The following BTF3L4 variants were observed in gnomAD, a reference collection of about 807,000 sequenced individuals.
BTF3L4 encodes transcription factor BTF3 homolog 4.
A neutral mutation model predicts 16.8 loss-of-function variants in BTF3L4; 6 were observed. The observed-to-expected ratio is 0.36, with a 90% CI of 0.20 to 0.71. The LOEUF (loss-of-function observed/expected upper bound fraction) is 0.71, where lower values mean the gene tolerates loss of function less well. Among genes scored for constraint, BTF3L4 ranks in the 30% least tolerant of loss-of-function variants. BTF3L4 has a pLI of 0.58. For missense variants in BTF3L4, 92 were observed against 186.9 expected, an observed-to-expected ratio of 0.49 and a Z score of 2.96; for synonymous variants, 39 against 59.8, an observed-to-expected ratio of 0.65 and a Z score of 1.60.
Position 52,058,437 on chromosome 1 carries a change from T to C in BTF3L4, c.-13-1398T>C, listed in dbSNP as rs141541446. Among the ~76,000 whole-genome samples, 359 of 152,280 alleles carry C rather than the reference T, an allele frequency of 2.4e-3. 1 individual carries two copies. Among genetic ancestry groups the C allele is most frequent in the African/African-American group, 8.3e-3 (343 of 41,538 alleles). On this transcript the variant is annotated intron_variant, in intron 1 of 5. Coordinates refer to ENST00000313334, the MANE Select transcript of BTF3L4 (RefSeq NM_152265.5). The stretch of plus-strand genomic sequence containing the variant: ...GTCTTTGATGCTGCTTTTTTTAATC[T>C]CTCAAATGAAGCAAACAGTATTTTT...
chr1:52,059,839 A>G lies in BTF3L4; in HGVS notation c.-9A>G. On this transcript the variant is annotated 5_prime_UTR_variant, in exon 2 of 6. Transcript: ENST00000313334. ...AATCTATTTTTCCCCCCCTAGATTT[A>G]CCAACAGCATGAATCAAGAAAAGTT... 6.2e-7 allele frequency: 1 copy of G among 1,613,678 alleles called. No homozygotes were observed. The highest frequency in any genetic ancestry group is 8.5e-7 in the Non-Finnish European group (1 of 1,179,700).
At chr1:52,061,362 C>T (rs1047883694) in intron 2 of BTF3L4, among the ~76,000 whole-genome samples, 2 of 151,496 alleles carry the variant, frequency 1.3e-5, no homozygotes, top group African/African-American at 2.4e-5. Context: ...GTGGCGCATA[C>T]GTGTAGTCCC....
At chr1:52,061,003 C>T (rs1046203527) in intron 2 of BTF3L4, among the ~76,000 whole-genome samples, 1 of 152,136 alleles carries the variant, frequency 6.6e-6, no homozygotes, top group African/African-American at 2.4e-5. Context: ...ATATTGAGCA[C>T]CTACTGTGTG....
intron 3 of BTF3L4, among the ~76,000 whole-genome samples, chr1:52,070,582 G>A (rs1686763591): frequency 6.7e-6 from 1 of 149,190 alleles, no homozygotes; most frequent in Admixed American, 6.7e-5. Flanking sequence ...CAAAACTAAG[G>A]GATGAGGGGT....
intron 3 of BTF3L4, among the ~76,000 whole-genome samples, chr1:52,073,759 C>A (rs987562298): frequency 6.8e-6 from 1 of 146,424 alleles, no homozygotes; most frequent in Non-Finnish European, 1.5e-5. Flanking sequence ...CAGTACTTTG[C>A]GAGGCCAAGG....
At chr1:52,056,471 C>T (rs1373769210) in intron 1 of BTF3L4, 92 bp downstream of exon 1, 2 of 152,768 alleles carry the variant, frequency 1.3e-5, no homozygotes, top group African/African-American at 2.4e-5. Flanking sequence ...GCCAACCGCT[C>T]AGGCTGCCAC....
In BTF3L4 at chr1:52,090,465, T is replaced by C. The variant is rs1644008745; in HGVS notation, c.*3707T>C. The C allele has an allele frequency of 6.6e-6, 1 of 152,188 alleles. No homozygotes were observed. Among genetic ancestry groups the C allele is most frequent in the South Asian group, 2.1e-4 (1 of 4,834 alleles). 9.4% of individuals were successfully genotyped at this position (152,188 alleles called of 1,614,324 possible). ...CACATAGAGTTTGCCTGAATTATTATAGCTTTCTTAATAGTTTTGTTTATG... is the reference window on the plus strand; with the variant it reads ...CACATAGAGTTTGCCTGAATTATTACAGCTTTCTTAATAGTTTTGTTTATG... On this transcript the variant is annotated 3_prime_UTR_variant, in exon 6 of 6. Coordinates refer to ENST00000313334, the MANE Select transcript of BTF3L4 (RefSeq NM_152265.5).
intron 3 of BTF3L4, among the ~76,000 whole-genome samples, chr1:52,080,872 A>C (rs1572031517): frequency 6.2e-5 from 7 of 113,252 alleles, no homozygotes; most frequent in African/African-American, 1.4e-4. Context: ...AGAAAGTCTC[A>C]CTCGGTAGCC....
At chr1:52,066,709 G>A (rs1178817502) in intron 3 of BTF3L4, among the ~76,000 whole-genome samples, 3 of 151,630 alleles carry the variant, frequency 2.0e-5, no homozygotes, top group Non-Finnish European at 2.9e-5. Context: ...AGCCGGGCAT[G>A]GTGGCGGGCA....
At chr1:52,057,096 G>A (rs1046263412) in intron 1 of BTF3L4, among the ~76,000 whole-genome samples, 1 of 152,204 alleles carries the variant, frequency 6.6e-6, no homozygotes, top group Non-Finnish European at 1.5e-5. Flanking sequence ...AGTACGTGGT[G>A]TTATACCTTT....
chr1:52,072,814 A>G (rs1277590721), intron 3 of BTF3L4, among the ~76,000 whole-genome samples: 4 of 152,138 alleles, frequency 2.6e-5, no homozygotes, highest in Non-Finnish European at 5.9e-5. Context: ...TAATCCTAGC[A>G]CTTTGGGAGG....
intron 3 of BTF3L4, among the ~76,000 whole-genome samples, chr1:52,071,897 C>T (rs1359495691): frequency 1.4e-5 from 2 of 147,016 alleles, no homozygotes; most frequent in East Asian, 2.0e-4. Context: ...CTCTTAGGGT[C>T]CTGTTCTTTT....
intron 3 of BTF3L4, among the ~76,000 whole-genome samples, chr1:52,068,840 A>G (rs1369677647): frequency 6.6e-6 from 1 of 152,146 alleles, no homozygotes; most frequent in Admixed American, 6.6e-5. Flanking sequence ...AGGTCTTAAT[A>G]TAGGCATTAT....
chr1:52,078,839 A>G (rs1453111487), intron 3 of BTF3L4, among the ~76,000 whole-genome samples: 1 of 152,100 alleles, frequency 6.6e-6, no homozygotes, highest in Non-Finnish European at 1.5e-5. Context: ...ACCTTCAGCT[A>G]TCTTTAGGGA....
intron 3 of BTF3L4, among the ~76,000 whole-genome samples, chr1:52,076,500 C>T (rs778749000): frequency 3.3e-5 from 5 of 150,030 alleles, no homozygotes; most frequent in Admixed American, 1.3e-4. Flanking sequence ...TCGCTTGAAC[C>T]CGTGAGGCGG....
At position 52,086,942 on chromosome 1, in the gene BTF3L4, A is replaced by G; in HGVS notation, c.*184A>G. On this transcript the variant is annotated 3_prime_UTR_variant, in exon 6 of 6. Coordinates refer to ENST00000313334, the MANE Select transcript of BTF3L4 (RefSeq NM_152265.5). ...GATTTTGCATTTTGCACTTCCTCCC[A>G]GGATATTTTTTTGGTCAAAATATGA... The G allele has an allele frequency of 4.4e-6, 2 of 457,522 alleles. No homozygotes were observed. Among genetic ancestry groups the G allele is most frequent in the African/African-American group, 4.1e-5 (2 of 48,832 alleles). The allele number at this position is 457,522 out of a possible 1,614,324, so 28.3% of individuals were successfully genotyped here.
intron 4 of BTF3L4, among the ~76,000 whole-genome samples, chr1:52,085,400 T>C (rs1244209604): frequency 6.6e-6 from 1 of 151,090 alleles, no homozygotes; most frequent in African/African-American, 2.4e-5. Flanking sequence ...TGAGACAGAG[T>C]CTGACTCTGT....
At chr1:52,075,746 C>T (rs1048648265) in intron 3 of BTF3L4, among the ~76,000 whole-genome samples, 5 of 151,754 alleles carry the variant, frequency 3.3e-5, no homozygotes, top group African/African-American at 4.8e-5. Context: ...TAACTGCAAC[C>T]CCCACCTCCT....
chr1:52,060,466 T>G, intron 2 of BTF3L4: 1 of 1,271,806 alleles, frequency 7.9e-7, no homozygotes, highest in Non-Finnish European at 1.0e-6. Context: ...TCCATGTTGG[T>G]GAATATGAAT....
Sources: allele counts gnomAD v4.1 joint callset (sites outside exome capture counted in the v4.1 genomes callset), GRCh38; gene constraint gnomAD v4.1.1; transcripts MANE v1.5; gene names NCBI Gene and HGNC (gene_info 2026-07-23, HGNC 2026-07-21).